The following GFRA1 variants were observed in gnomAD, a reference collection of about 807,000 sequenced individuals.
GFRA1 encodes GDNF family receptor alpha 1, also known as GDNF family receptor alpha-1.
Under a neutral mutation model 51.6 loss-of-function variants are expected in GFRA1, and 16 were observed. That is an observed-to-expected ratio of 0.31 (90% CI 0.21 to 0.47). The LOEUF (loss-of-function observed/expected upper bound fraction) is 0.47. Among genes scored for constraint, GFRA1 ranks in the 20% least tolerant of loss-of-function variants. GFRA1 has a pLI of 1.00. For missense variants in GFRA1, 530 were observed against 594.3 expected (o/e 0.89, Z 1.13); for synonymous variants, 270 against 241.3 (o/e 1.12, Z -1.10).
At position 116,058,572 on chromosome 10, in the gene GFRA1, C is replaced by T. The variant is rs1253929606; in HGVS notation, c.*5826G>A. The T allele has an allele frequency of 6.6e-6, 1 of 152,146 alleles. No homozygotes were observed. The highest frequency in any genetic ancestry group is 1.9e-4 in the East Asian group (1 of 5,176). The allele number at this position is 152,146 out of a possible 1,614,324, so 9.4% of individuals were successfully genotyped here. A position where few individuals can be genotyped will look rare whatever the true frequency, so the allele number is the denominator to read the frequency against. Reference sequence around the variant, plus strand: ...GTTTGCACGTGGCCCAGGACTTACCCCTGGGAGACTGAGTCTCAGTTTCAT... The same window carrying T: ...GTTTGCACGTGGCCCAGGACTTACCTCTGGGAGACTGAGTCTCAGTTTCAT... On this transcript the variant is annotated 3_prime_UTR_variant, in exon 11 of 11. Coordinates refer to ENST00000355422, the MANE Select transcript of GFRA1 (RefSeq NM_005264.8).
intron 5 of GFRA1, among the ~76,000 whole-genome samples, chr10:116,141,818 A>G (rs1367030960): frequency 1.3e-5 from 2 of 152,158 alleles, no homozygotes; most frequent in Non-Finnish European, 2.9e-5. Context: ...TCCTGACCTC[A>G]GGGGATCCAC....
intron 5 of GFRA1, among the ~76,000 whole-genome samples, chr10:116,180,864 GA>G (rs1181881216): frequency 6.6e-6 from 1 of 152,060 alleles, no homozygotes; most frequent in Non-Finnish European, 1.5e-5. Flanking sequence ...TCTTTTTCTA[GA>G]AAGCAACCTT....
intron 4 of GFRA1, among the ~76,000 whole-genome samples, chr10:116,264,386 G>A (rs1454173903): frequency 1.5e-5 from 2 of 130,152 alleles, no homozygotes; most frequent in Admixed American, 8.4e-5. Flanking sequence ...AACCACTCGT[G>A]ATTGACAGAA....
intron 5 of GFRA1, among the ~76,000 whole-genome samples, chr10:116,163,041 C>T (rs1959989466): frequency 6.6e-6 from 1 of 152,162 alleles, no homozygotes. Context: ...AACCCCTGGT[C>T]CATAGCGTGG....
chr10:116,155,721 A>G (rs1051834674), intron 5 of GFRA1, among the ~76,000 whole-genome samples: 9 of 152,186 alleles, frequency 5.9e-5, no homozygotes, highest in Non-Finnish European at 1.3e-4. Flanking sequence ...CTCATGAAAA[A>G]TGGAAGGTTT....
intron 4 of GFRA1, among the ~76,000 whole-genome samples, chr10:116,234,710 C>T (rs1192026402): frequency 6.6e-6 from 1 of 152,152 alleles, no homozygotes; most frequent in Non-Finnish European, 1.5e-5. Flanking sequence ...TAGACCTGTG[C>T]CACTAATCTG....
intron 9 of GFRA1, among the ~76,000 whole-genome samples, chr10:116,089,086 A>G (rs544000279): frequency 1.3e-5 from 2 of 152,262 alleles, no homozygotes; most frequent in African/African-American, 4.8e-5. Context: ...CACCACTTCT[A>G]TCTTGCTGTG....
rs1051213413 is a variant in GFRA1, at chr10:116,062,482, C to T, written c.*1916G>A. On this transcript the variant is annotated 3_prime_UTR_variant, in exon 11 of 11. Coordinates refer to ENST00000355422, the MANE Select transcript of GFRA1 (RefSeq NM_005264.8). ...ACATTTGTGTTGATTAACATTTGGA[C>T]ACAAATATACTTTTAACACCAATAG... The T allele has an allele frequency of 5.3e-6, 1 of 189,314 alleles. No individual in the cohort carries two copies. The highest frequency in any genetic ancestry group is 1.1e-5 in the Non-Finnish European group (1 of 93,328). 11.7% of individuals were successfully genotyped at this position (189,314 alleles called of 1,614,324 possible). A position where few individuals can be genotyped will look rare whatever the true frequency, so the allele number is the denominator to read the frequency against.
intron 2 of GFRA1, among the ~76,000 whole-genome samples, chr10:116,271,634 G>A (rs1235222116): frequency 6.6e-6 from 1 of 152,152 alleles, no homozygotes; most frequent in Non-Finnish European, 1.5e-5. Context: ...TTCCAAGTTT[G>A]CTCTCCCGGC....
At chr10:116,174,366 C>A (rs1319016913) in intron 5 of GFRA1, among the ~76,000 whole-genome samples, 1 of 152,208 alleles carries the variant, frequency 6.6e-6, no homozygotes, top group African/African-American at 2.4e-5. Flanking sequence ...TCCAACTAGT[C>A]TTTTCCCTGC....
intron 4 of GFRA1, among the ~76,000 whole-genome samples, chr10:116,231,833 C>T (rs897544817): frequency 6.6e-6 from 1 of 152,152 alleles, no homozygotes; most frequent in Non-Finnish European, 1.5e-5. Context: ...CTAAATCGAC[C>T]CGGGCACACA....
chr10:116,200,862 T>C (rs1160224366), intron 5 of GFRA1, among the ~76,000 whole-genome samples: 1 of 152,248 alleles, frequency 6.6e-6, no homozygotes, highest in Non-Finnish European at 1.5e-5. Context: ...TTTAAGTTTA[T>C]ACCAGGATCA....
intron 3 of GFRA1, 65 bp downstream of exon 3, chr10:116,270,757 G>A (rs1843841916): frequency 4.3e-6 from 6 of 1,383,804 alleles, no homozygotes; most frequent in Admixed American, 1.7e-5. Flanking sequence ...AGCTGGCCCA[G>A]GGACGAAAGG....
At chr10:116,109,970 T>C (rs1235550824) in intron 6 of GFRA1, among the ~76,000 whole-genome samples, 1 of 152,048 alleles carries the variant, frequency 6.6e-6, no homozygotes, top group African/African-American at 2.4e-5. Flanking sequence ...CATATCCCAG[T>C]GTCTGGCACA....
intron 5 of GFRA1, among the ~76,000 whole-genome samples, chr10:116,181,644 T>C (rs1165010120): frequency 2.0e-5 from 3 of 150,808 alleles, no homozygotes; most frequent in Non-Finnish European, 3.0e-5. Context: ...TGTTGTTTTT[T>C]TGTTTTTTTT....
At chr10:116,098,825 C>T (rs1005008148) in intron 6 of GFRA1, among the ~76,000 whole-genome samples, 1 of 152,188 alleles carries the variant, frequency 6.6e-6, no homozygotes, top group African/African-American at 2.4e-5. Context: ...CAATTGGACT[C>T]TGGAATGAAA....
chr10:116,235,603 C>G (rs1966858767), intron 4 of GFRA1, among the ~76,000 whole-genome samples: 1 of 152,098 alleles, frequency 6.6e-6, no homozygotes, highest in Non-Finnish European at 1.5e-5. Flanking sequence ...AGCAAATGCC[C>G]CTCCCTAAAG....
At chr10:116,149,400 A>T (rs59425128) in intron 5 of GFRA1, among the ~76,000 whole-genome samples, 5,346 of 152,264 alleles carry the variant, frequency 0.035, 327 homozygotes, top group African/African-American at 0.12. Flanking sequence ...TTAATAAGAT[A>T]CAATTTGGAT....
In GFRA1 at chr10:116,073,570, T is replaced by C. The variant is rs149873865; in HGVS notation, c.1198-7944A>G. ...TTGGGGTGAGGGCGGCTGTTTTGTA[T>C]AGCGAACATTCAGCATTAATGGTAT... On this transcript the variant is annotated intron_variant, in intron 9 of 10. Transcript: ENST00000355422. Among the ~76,000 whole-genome samples the C allele has an allele frequency of 3.3e-5, 5 of 152,192 alleles. No homozygotes were observed. In the East Asian group the frequency reaches 9.6e-4, roughly 29 times the overall value.
Sources: gnomAD v4.1 joint callset for allele counts (sites outside exome capture counted in the v4.1 genomes callset) on GRCh38, gnomAD v4.1.1 for gene constraint, MANE v1.5 for transcripts, NCBI Gene and HGNC (gene_info 2026-07-23, HGNC 2026-07-21) for gene names.